The following ARHGEF18 variants were observed in gnomAD, a reference collection of about 807,000 sequenced individuals.
ARHGEF18 encodes rho guanine nucleotide exchange factor 18.
A neutral mutation model predicts 155.7 loss-of-function variants in ARHGEF18; 93 were observed. That is an observed-to-expected ratio of 0.60 (90% CI 0.50 to 0.71). The LOEUF (loss-of-function observed/expected upper bound fraction) is 0.71, where lower values mean the gene tolerates loss of function less well. Among genes scored for constraint, ARHGEF18 ranks in the 30% least tolerant of loss-of-function variants. The pLI, the probability that ARHGEF18 is intolerant of heterozygous loss-of-function variation, is 0.00. For missense variants in ARHGEF18, 1,593 were observed against 1,816.1 expected, an observed-to-expected ratio of 0.88 and a Z score of 2.23; for synonymous variants, 742 against 753.1, an observed-to-expected ratio of 0.99 and a Z score of 0.24.
intron 10 of ARHGEF18, among the ~76,000 whole-genome samples, chr19:7,417,277 A>G (rs922441391): frequency 6.6e-6 from 1 of 152,048 alleles, no homozygotes; most frequent in Non-Finnish European, 1.5e-5. Flanking sequence ...GTCAGACAAG[A>G]TGGCTTACCA....
Position 7,444,068 on chromosome 19 carries a change from G to T in ARHGEF18, c.1361-136G>T, listed in dbSNP as rs1442266415. 4.3e-6 allele frequency: 5 copies of T among 1,149,504 alleles called. No homozygotes were observed. In the African/African-American group the frequency reaches 7.8e-5, roughly 18 times the overall value. 71.2% of individuals were successfully genotyped at this position (1,149,504 alleles called of 1,614,324 possible). On this transcript the variant is annotated intron_variant, in intron 13 of 28. Coordinates refer to ENST00000668164, the MANE Select transcript of ARHGEF18 (RefSeq NM_001367823.1). This position sits in a 1 kb window ranked among gnomAD's most constrained non-coding sequence, Gnocchi z 4.7. Reference sequence around the variant, plus strand: ...CCCTGGACACCCTGGAAGTAAGAAAGATCCCAAAGGCACAAGGTCTTAGGC... The same window carrying T: ...CCCTGGACACCCTGGAAGTAAGAAATATCCCAAAGGCACAAGGTCTTAGGC...
rs752474688 is a variant in ARHGEF18, at chr19:7,462,225, C to T, written c.2526C>T (p.Ala842=). 29 of 1,613,848 alleles carry T rather than the reference C, an allele frequency of 1.8e-5. No homozygotes were observed. The highest frequency in any genetic ancestry group is 3.3e-5 in the South Asian group (3 of 91,094). ...LEKQQIYLEM[A]EMGGLEDLPQ... is the part of the protein sequence containing the mutation. The stretch of plus-strand genomic sequence containing the variant: ...AACAGCAGATCTACCTGGAGATGGC[C>T]GAGATGGGCGGCCTCGAAGACCTGC... The change falls in exon 21 of 29, where the codon GCC becomes GCT. Residue 842 remains alanine, a synonymous_variant. Coordinates refer to ENST00000668164, the MANE Select transcript of ARHGEF18 (RefSeq NM_001367823.1). This position sits in a 1 kb window ranked among gnomAD's most constrained non-coding sequence, Gnocchi z 4.4.
chr19:7,383,135 A>G lies in ARHGEF18; in HGVS notation c.899A>G (p.Gln300Arg), dbSNP rs77026020. The G allele has an allele frequency of 2.0e-3, 2,526 of 1,232,218 alleles. 45 individuals carry two copies. In the African/African-American group the frequency reaches 0.036, roughly 18 times the overall value. 76.3% of individuals were successfully genotyped at this position (1,232,218 alleles called of 1,614,324 possible). ...RERRECVNGH[Q>R]LLQGTFSGPS... ...AGGCGGGAGTGTGTCAATGGGCACCAGCTGTTGCAAGGGACCTTCTCCGGC... is the reference window on the plus strand; with the variant it reads ...AGGCGGGAGTGTGTCAATGGGCACCGGCTGTTGCAAGGGACCTTCTCCGGC... Residue 300 changes from glutamine to arginine, a missense_variant, in exon 10 of 29, where the codon CAG becomes CGG. Gln to Arg is a conservative substitution (Grantham distance 43). Coordinates refer to ENST00000668164, the MANE Select transcript of ARHGEF18 (RefSeq NM_001367823.1).
In ARHGEF18 at chr19:7,462,444, G is replaced by C; in HGVS notation, c.2635+110G>C. On this transcript the variant is annotated intron_variant, in intron 21 of 28. Transcript: ENST00000668164. This position sits in a 1 kb window ranked among gnomAD's most constrained non-coding sequence, Gnocchi z 4.4. ...GTGGCCGACACGGCACCCTGTCCAG[G>C]ACAGGCTTCTATGTGGGGGGGGCCC... The C allele has an allele frequency of 7.9e-7, 1 of 1,270,466 alleles. No individual in the cohort carries two copies. The highest frequency in any genetic ancestry group is 1.0e-6 in the Non-Finnish European group (1 of 978,142). The allele number at this position is 1,270,466 out of a possible 1,614,324, so 78.7% of individuals were successfully genotyped here.
intron 10 of ARHGEF18, among the ~76,000 whole-genome samples, chr19:7,409,957 T>C (rs1972580906): frequency 6.7e-6 from 1 of 149,746 alleles, no homozygotes; most frequent in Non-Finnish European, 1.5e-5. Flanking sequence ...TTGTATTTTT[T>C]TTTTTTTTTT....
chr19:7,426,937 A>G (rs763237022), intron 10 of ARHGEF18, among the ~76,000 whole-genome samples: 73 of 152,164 alleles, frequency 4.8e-4, no homozygotes, highest in Non-Finnish European at 7.3e-4. Context: ...GCCGTGTTGA[A>G]AGGTTCTACA....
intron 10 of ARHGEF18, among the ~76,000 whole-genome samples, chr19:7,416,262 C>T (rs1029248672): frequency 5.9e-5 from 9 of 151,630 alleles, no homozygotes; most frequent in African/African-American, 1.9e-4. Context: ...TTTAATTAGC[C>T]AGGCATGGTG....
intron 10 of ARHGEF18, among the ~76,000 whole-genome samples, chr19:7,413,174 G>A (rs1833431457): frequency 6.6e-6 from 1 of 152,038 alleles, no homozygotes; most frequent in Non-Finnish European, 1.5e-5. Context: ...GCTCATGCCT[G>A]CAATCCCAAC....
Position 7,464,533 on chromosome 19 carries a change from C to T in ARHGEF18, c.2774-27C>T, listed in dbSNP as rs777399722. The T allele has an allele frequency of 6.9e-6, 11 of 1,598,496 alleles. No individual in the cohort carries two copies. In the African/African-American group the frequency reaches 9.4e-5, roughly 14 times the overall value. On this transcript the variant is annotated intron_variant, in intron 22 of 28. Coordinates refer to ENST00000668164, the MANE Select transcript of ARHGEF18 (RefSeq NM_001367823.1). ...CCCCTCCCCACGGGATGGCAGCATC[C>T]TCATGCCCCTGGCTTGGGGTTCTCA... is the stretch of plus-strand genomic sequence containing the variant.
rs1358878654 is a variant in ARHGEF18 at position 7,440,629 on chromosome 19, G to A, written c.1106+147G>A. On this transcript the variant is annotated intron_variant, in intron 11 of 28. Transcript: ENST00000668164. The surrounding 1 kb of genome is among the most constrained non-coding windows in gnomAD (Gnocchi z 5.4). ...GCTAAGCAGAGAAATTCCCATTAAC[G>A]CTTGCTTCCAGGATCCACGCCTTTT... is the stretch of plus-strand genomic sequence containing the variant. The A allele has an allele frequency of 3.4e-6, 4 of 1,168,568 alleles. No individual in the cohort carries two copies. Among genetic ancestry groups the A allele is most frequent in the African/African-American group, 1.6e-5 (1 of 64,240 alleles). 72.4% of individuals were successfully genotyped at this position (1,168,568 alleles called of 1,614,324 possible). A position where few individuals can be genotyped will look rare whatever the true frequency, so the allele number is the denominator to read the frequency against.
In ARHGEF18 at chr19:7,456,389, G is replaced by A. The variant is rs377679628; in HGVS notation, c.2167G>A (p.Val723Ile). ...GCTACAAGAAAAAGATCAGAAATAC[G>A]TCTTTGCTTCTGTGGTATGTATCCT... The part of the protein sequence containing the change: ...LLLQEKDQKY[V>I]FASVDSKPPV... The change falls in exon 18 of 29, where the codon GTC (valine) becomes ATC (isoleucine). Residue 723 changes from valine (V) to isoleucine (I), a missense_variant. By Grantham distance (29) the Val-to-Ile change is conservative. Coordinates refer to ENST00000668164, the MANE Select transcript of ARHGEF18 (RefSeq NM_001367823.1). The A allele has an allele frequency of 8.8e-5, 142 of 1,613,944 alleles. No individual in the cohort carries two copies. The highest frequency in any genetic ancestry group is 1.1e-4 in the Non-Finnish European group (132 of 1,179,950).
downstream of ARHGEF18, among the ~76,000 whole-genome samples, chr19:7,475,964 G>T (rs1977218903): frequency 6.6e-6 from 1 of 152,204 alleles, no homozygotes; most frequent in Admixed American, 6.5e-5. Flanking sequence ...AGCCCCCACA[G>T]ATGGGGTCTC....
At chr19:7,361,296 G>C (rs1329735944) in intron 1 of ARHGEF18, among the ~76,000 whole-genome samples, 2 of 152,138 alleles carry the variant, frequency 1.3e-5, no homozygotes. Flanking sequence ...AAATTAGCCA[G>C]GTGTGGTGGT....
downstream of ARHGEF18, chr19:7,473,369 A>G: frequency 2.2e-6 from 1 of 446,296 alleles, no homozygotes; most frequent in Non-Finnish European, 4.5e-6. Context: ...CATATTAAAA[A>G]AGTAAAAGGA....
intron 10 of ARHGEF18, among the ~76,000 whole-genome samples, chr19:7,409,862 C>T (rs1972570009): frequency 6.7e-6 from 1 of 150,130 alleles, no homozygotes; most frequent in Non-Finnish European, 1.5e-5. Flanking sequence ...CAACCTCCGC[C>T]CTCCAAGTTC....
chr19:7,442,462 T>G (rs10420976), intron 13 of ARHGEF18, among the ~76,000 whole-genome samples: 85,785 of 151,942 alleles, frequency 0.56, 24,567 homozygotes, highest in East Asian at 0.74. Context: ...CTCAATCTCC[T>G]GAGCTCAAGT....
chr19:7,407,255 GTC>G (rs1456940611), intron 10 of ARHGEF18, among the ~76,000 whole-genome samples: 2 of 142,272 alleles, frequency 1.4e-5, no homozygotes, highest in African/African-American at 5.2e-5. Context: ...TGAAAACCCC[GTC>G]TCTACTAAAA....
intron 2 of ARHGEF18, among the ~76,000 whole-genome samples, chr19:7,366,409 G>A (rs1027771839): frequency 2.6e-5 from 4 of 152,200 alleles, no homozygotes; most frequent in African/African-American, 9.7e-5. Context: ...GGCGCCATGA[G>A]CTCTCCAGCC....
Position 7,395,258 on chromosome 19 carries a change from C to T in ARHGEF18, c.967+12055C>T. On this transcript the variant is annotated intron_variant, in intron 10 of 28. Transcript: ENST00000668164. The surrounding 1 kb of genome is among the most constrained non-coding windows in gnomAD (Gnocchi z 5.0). ...GGCGATCGGGCCGAGGTGAGGACGG[C>T]GGCGGGGCGGTCCCGAGGAAAACGG... is the stretch of plus-strand genomic sequence containing the variant. 1.0e-6 allele frequency: 1 copy of T among 986,258 alleles called. No individual in the cohort carries two copies. The highest frequency in any genetic ancestry group is 1.2e-6 in the Non-Finnish European group (1 of 830,656). 61.1% of individuals were successfully genotyped at this position (986,258 alleles called of 1,614,324 possible).
Sources: allele counts gnomAD v4.1 joint callset (sites outside exome capture counted in the v4.1 genomes callset), GRCh38; gene constraint gnomAD v4.1.1; non-coding constraint Gnocchi (gnomAD v3.1); transcripts MANE v1.5; gene names NCBI Gene and HGNC (gene_info 2026-07-23, HGNC 2026-07-21).